KATNIP: variants seen among roughly 807,000 people sequenced by gnomAD.
The protein encoded by KATNIP is katanin interacting protein.
In KATNIP, 126 loss-of-function variants were observed where a neutral mutation model predicts 174.0. The observed-to-expected ratio is 0.72, with a 90% CI of 0.63 to 0.84. The LOEUF (loss-of-function observed/expected upper bound fraction) is 0.84, where lower values mean the gene tolerates loss of function less well. KATNIP is among the 40% of genes least tolerant of loss of function. KATNIP has a pLI of 0.00. For missense variants in KATNIP, 1,958 were observed against 2,109.7 expected (o/e 0.93, Z 1.41); for synonymous variants, 810 against 835.7 (o/e 0.97, Z 0.53).
At chr16:27,575,501 T>C (rs2090465062) in intron 2 of KATNIP, among the ~76,000 whole-genome samples, 1 of 152,176 alleles carries the variant, frequency 6.6e-6, no homozygotes, top group Non-Finnish European at 1.5e-5. Context: ...GAGAAATTCA[T>C]CCAGACATAT....
Position 27,759,510 on chromosome 16 carries a change from T to G in KATNIP, c.3632-1903T>G, listed in dbSNP as rs565384729. The stretch of plus-strand genomic sequence containing the variant: ...TTCATGACTGACTGGTAATTCAGTA[T>G]CTTGGCTGGGCAGCTCTGGGTGAGC... On this transcript the variant is annotated intron_variant, in intron 18 of 27. Transcript: ENST00000261588. 1.1e-3 allele frequency among the ~76,000 whole-genome samples: 167 copies of G among 152,340 alleles called. 2 individuals are homozygous for G. Among genetic ancestry groups the G allele is most frequent in the African/African-American group, 3.9e-3 (162 of 41,574 alleles).
At chr16:27,632,782 G>A (rs1277997981) in intron 5 of KATNIP, among the ~76,000 whole-genome samples, 3 of 151,710 alleles carry the variant, frequency 2.0e-5, no homozygotes, top group African/African-American at 4.9e-5. Flanking sequence ...ACAGAGTCTC[G>A]CTCTGTCACC....
chr16:27,570,361 C>A (rs866381577), intron 1 of KATNIP, among the ~76,000 whole-genome samples: 2 of 151,668 alleles, frequency 1.3e-5, no homozygotes, highest in South Asian at 2.1e-4. Context: ...GTCAGGAGTT[C>A]GAGACCAGCC....
rs1438007456 is a variant in KATNIP at position 27,698,509 on chromosome 16, C to T, written c.1113+9C>T. ...CAGCCAGCCCACTGCAGGTGCGCTC[C>T]GGGCTGGGAGAGGAACCGGGGGATG... On this transcript the variant is annotated intron_variant, in intron 9 of 27. Transcript: ENST00000261588. The T allele has an allele frequency of 4.4e-6, 7 of 1,597,250 alleles. No homozygotes were observed. Among genetic ancestry groups the T allele is most frequent in the East Asian group, 2.2e-5 (1 of 44,486 alleles).
intron 22 of KATNIP, 129 bp from the exon 23 acceptor site, chr16:27,772,970 A>G (rs1223244099): frequency 1.1e-5 from 7 of 614,148 alleles, no homozygotes; most frequent in East Asian, 5.5e-5. Context: ...TCTAGTTGCA[A>G]TAAGAGAAAA....
intron 2 of KATNIP, among the ~76,000 whole-genome samples, chr16:27,580,533 C>T (rs1352897361): frequency 6.6e-6 from 1 of 152,192 alleles, no homozygotes; most frequent in African/African-American, 2.4e-5. Flanking sequence ...TACAATATTC[C>T]TGACACCAGT....
intron 2 of KATNIP, among the ~76,000 whole-genome samples, chr16:27,617,462 T>C (rs2076073956): frequency 6.6e-6 from 1 of 152,214 alleles, no homozygotes; most frequent in Non-Finnish European, 1.5e-5. Context: ...TCACTGTGAC[T>C]GGGGGAAGCC....
intron 5 of KATNIP, among the ~76,000 whole-genome samples, chr16:27,642,312 A>C (rs1399422137): frequency 6.6e-6 from 1 of 152,140 alleles, no homozygotes; most frequent in African/African-American, 2.4e-5. Flanking sequence ...TATCGCAAGA[A>C]CAAAAAACCA....
intron 6 of KATNIP, among the ~76,000 whole-genome samples, chr16:27,676,607 A>G (rs555376499): frequency 1.3e-5 from 2 of 152,302 alleles, no homozygotes; most frequent in Admixed American, 1.3e-4. Context: ...TGGATACTAT[A>G]TAGGCTACAA....
intron 6 of KATNIP, 40 bp downstream of exon 6, chr16:27,648,775 G>T (rs753316105): frequency 6.2e-7 from 1 of 1,600,632 alleles, no homozygotes; most frequent in Non-Finnish European, 8.5e-7. Flanking sequence ...ACACCTGAAG[G>T]ACGGCGAGGC....
chr16:27,608,399 C>CTTTTTT (rs11374534), intron 2 of KATNIP, among the ~76,000 whole-genome samples: 3 of 97,556 alleles, frequency 3.1e-5, no homozygotes, highest in African/African-American at 4.1e-5. Flanking sequence ...ACTGGTGAAT[C>CTTTTTT]TTTTTTTTTT....
chr16:27,708,449 T>C (rs2079421606), intron 12 of KATNIP: 3 of 435,880 alleles, frequency 6.9e-6, no homozygotes, highest in Non-Finnish European at 4.1e-6. Context: ...TTTTTATTTA[T>C]TTGTAAACTT....
intron 17 of KATNIP, among the ~76,000 whole-genome samples, chr16:27,753,212 A>T (rs2081585120): frequency 6.6e-6 from 1 of 151,988 alleles, no homozygotes; most frequent in Non-Finnish European, 1.5e-5. Flanking sequence ...TGATTTTTAC[A>T]AGAGAAGCCA....
intron 23 of KATNIP, among the ~76,000 whole-genome samples, chr16:27,774,042 C>G (rs150359886): frequency 1.1e-3 from 161 of 152,302 alleles, no homozygotes; most frequent in Middle Eastern, 6.8e-3. Context: ...CAGCTCTTGA[C>G]CAAGCAGTAG....
intron 1 of KATNIP, 49 bp downstream of exon 1, chr16:27,550,226 C>T: frequency 1.3e-6 from 2 of 1,588,020 alleles, no homozygotes; most frequent in Admixed American, 1.7e-5. Context: ...ATTCTCCCAT[C>T]CCTCCCGACC....
chr16:27,605,237 G>T (rs754177523), intron 2 of KATNIP, among the ~76,000 whole-genome samples: 85 of 152,108 alleles, frequency 5.6e-4, no homozygotes, highest in Non-Finnish European at 1.2e-3. Flanking sequence ...CCGACCTCAA[G>T]ATTTTTTAAG....
At chr16:27,572,362 A>AAC (rs3056269) in intron 1 of KATNIP, among the ~76,000 whole-genome samples, 8,203 of 138,068 alleles carry the variant, frequency 0.059, 303 homozygotes, top group African/African-American at 0.097. Context: ...CAAAAAAGAA[A>AAC]ACACACACAC....
At chr16:27,688,836 A>G (rs1017619781) in intron 8 of KATNIP, among the ~76,000 whole-genome samples, 5 of 152,276 alleles carry the variant, frequency 3.3e-5, no homozygotes, top group Middle Eastern at 3.4e-3. Context: ...TGCAATCCCC[A>G]GGTGAGAGAG....
intron 3 of KATNIP, among the ~76,000 whole-genome samples, chr16:27,624,800 C>T (rs931515412): frequency 6.6e-6 from 1 of 151,990 alleles, no homozygotes; most frequent in East Asian, 1.9e-4. Flanking sequence ...AGCCTGGGCA[C>T]CAGAGCAAGA....
Sources: gnomAD v4.1 joint callset for allele counts (sites outside exome capture counted in the v4.1 genomes callset) on GRCh38, gnomAD v4.1.1 for gene constraint, MANE v1.5 for transcripts, NCBI Gene and HGNC (gene_info 2026-07-23, HGNC 2026-07-21) for gene names.